Variants in L1TD1 observed in about 807,000 individuals in gnomAD.
The protein encoded by L1TD1 is LINE1 type transposase domain containing 1.
In L1TD1, 26 loss-of-function variants were observed where a neutral mutation model predicts 25.7. That is an observed-to-expected ratio of 1.01 (90% CI 0.74 to 1.40). L1TD1 has a LOEUF of 1.40. L1TD1 is among the 40% of genes most tolerant of loss of function. The pLI is 0.00. For missense variants in L1TD1, 1,130 were observed against 975.0 expected, an observed-to-expected ratio of 1.16 and a Z score of -2.12; for synonymous variants, 421 against 335.6, an observed-to-expected ratio of 1.25 and a Z score of -2.78.
At chr1:62,202,850 A>T (rs1251027429) in intron 2 of L1TD1, among the ~76,000 whole-genome samples, 1 of 151,800 alleles carries the variant, frequency 6.6e-6, no homozygotes, top group Non-Finnish European at 1.5e-5. Context: ...CGCCCAGCTA[A>T]ATCTGTATTT....
Position 62,211,400 on chromosome 1 carries a change from C to G in L1TD1, c.*28C>G, listed in dbSNP as rs1407219766. The G allele has an allele frequency of 6.5e-7, 1 of 1,538,610 alleles. No homozygotes were observed. On this transcript the variant is annotated 3_prime_UTR_variant, in exon 4 of 4. Coordinates refer to ENST00000498273, the MANE Select transcript of L1TD1 (RefSeq NM_019079.5). ...CGCCAGGGTGACTACAAACAATATG[C>G]TTTCCTCCCCCAGCATGCATCCAAA... is the stretch of plus-strand genomic sequence containing the variant.
chr1:62,205,373 T>TTC (rs200941635), intron 2 of L1TD1, among the ~76,000 whole-genome samples: 13 of 90,206 alleles, frequency 1.4e-4, no homozygotes, highest in Admixed American at 1.2e-3. Flanking sequence ...AAAACTCTCT[T>TTC]TCTCTCTCTC....
intron 2 of L1TD1, among the ~76,000 whole-genome samples, chr1:62,205,373 TTCTCTCTCTCTCTCTTTC>T (rs1226227044): frequency 0.02 from 1,832 of 90,002 alleles, 49 homozygotes; most frequent in Middle Eastern, 0.052. Context: ...AAAACTCTCT[TTCTCTCTCTCTCTCTTTC>T]TCTCTCTCTC....
chr1:62,200,164 T>TATATAA (rs1553122105), intron 2 of L1TD1, among the ~76,000 whole-genome samples: 180 of 152,228 alleles, frequency 1.2e-3, no homozygotes, highest in African/African-American at 3.9e-3. Flanking sequence ...TATATATATA[T>TATATAA]AACAATGTAT....
In L1TD1 at chr1:62,211,263, C is replaced by T. The variant is rs1670864014; in HGVS notation, c.2489C>T (p.Ala830Val). 1.2e-6 allele frequency: 2 copies of T among 1,605,372 alleles called. No individual in the cohort carries two copies. The highest frequency in any genetic ancestry group is 2.2e-5 in the East Asian group (1 of 44,714). Reference protein sequence around the residue: ...NPRILYPAKMAFDFRGKTKVF... With the variant: ...NPRILYPAKMVFDFRGKTKVF... ...AGAATCCTATATCCAGCCAAAATGG[C>T]ATTTGATTTTAGGGGTAAAACAAAG... is the stretch of plus-strand genomic sequence containing the variant. Residue 830 changes from alanine to valine, a missense_variant, in exon 4 of 4, where the codon GCA becomes GTA. Ala to Val is a moderately conservative substitution (Grantham distance 64). Coordinates refer to ENST00000498273, the MANE Select transcript of L1TD1 (RefSeq NM_019079.5).
Position 62,211,661 on chromosome 1 carries a change from T to G in L1TD1, c.*289T>G, listed in dbSNP as rs1269068719. ...CCACCTCCCTACTGCAGTTGACTAG[T>G]CTTTTTAGAATTTATATTATCTGGC... On this transcript the variant is annotated 3_prime_UTR_variant, in exon 4 of 4. Transcript: ENST00000498273. The G allele has an allele frequency of 3.9e-6, 1 of 259,234 alleles. No individual in the cohort carries two copies. The highest frequency in any genetic ancestry group is 7.1e-6 in the Non-Finnish European group (1 of 139,906). The allele number at this position is 259,234 out of a possible 1,614,324, so 16.1% of individuals were successfully genotyped here. A position where few individuals can be genotyped will look rare whatever the true frequency, so the allele number is the denominator to read the frequency against.
chr1:62,206,369 A>ATTT (rs57739616), intron 2 of L1TD1, 150 bp from the exon 3 acceptor site: 114,271 of 203,378 alleles, frequency 0.56, 33,003 homozygotes, highest in Non-Finnish European at 0.59. Context: ...TTGAATTCTA[A>ATTT]TTTTCTAATC....
In L1TD1 at chr1:62,205,443, A is replaced by ATTTTTTTTT. The variant is rs1261055805; in HGVS notation, c.-110-1075_-110-1067dup. ...TATATATATATATATATATATATAT[A>ATTTTTTTTT]TTTTTTTTTAGACAGTCTTGCTGTG... On this transcript the variant is annotated intron_variant, in intron 2 of 3. Coordinates refer to ENST00000498273, the MANE Select transcript of L1TD1 (RefSeq NM_019079.5). Among the ~76,000 whole-genome samples the ATTTTTTTTT allele has an allele frequency of 6.4e-4, 41 of 63,656 alleles. No individual in the cohort carries two copies. The East Asian group carries it at 0.014, about 22-fold the overall frequency. The allele number at this position is 63,656 out of a possible 152,430, so 41.8% of individuals were successfully genotyped here.
intron 2 of L1TD1, among the ~76,000 whole-genome samples, chr1:62,201,303 G>T (rs150055817): frequency 6.6e-6 from 1 of 152,026 alleles, no homozygotes; most frequent in African/African-American, 2.4e-5. Context: ...GTCCTTATGT[G>T]CCTGTAGAAG....
At chr1:62,195,856 T>G (rs1220202302) in intron 1 of L1TD1, among the ~76,000 whole-genome samples, 2 of 151,586 alleles carry the variant, frequency 1.3e-5, no homozygotes, top group Non-Finnish European at 2.9e-5. Context: ...CTGGCCAACT[T>G]GGGAAACCCC....
Position 62,211,378 on chromosome 1 carries a change from C to T in L1TD1, c.*6C>T, listed in dbSNP as rs12137401. The T allele has an allele frequency of 0.22, 343,302 of 1,568,314 alleles. 40,737 individuals carry two copies. The highest frequency in any genetic ancestry group is 0.32 in the Admixed American group (16,658 of 51,838). Reference sequence around the variant, plus strand: ...TGGGGAATAATATACCTTAGCACGCCAGGGTGACTACAAACAATATGCTTT... The same window carrying T: ...TGGGGAATAATATACCTTAGCACGCTAGGGTGACTACAAACAATATGCTTT... On this transcript the variant is annotated 3_prime_UTR_variant, in exon 4 of 4. Transcript: ENST00000498273.
intron 2 of L1TD1, among the ~76,000 whole-genome samples, chr1:62,205,062 A>G (rs537750177): frequency 1.3e-5 from 2 of 152,132 alleles, no homozygotes; most frequent in African/African-American, 2.4e-5. Flanking sequence ...CTAAAAATCA[A>G]TATTCTTGGC....
intron 2 of L1TD1, among the ~76,000 whole-genome samples, chr1:62,197,368 G>A (rs1259440504): frequency 7.0e-6 from 1 of 142,318 alleles, no homozygotes; most frequent in Non-Finnish European, 1.5e-5. Flanking sequence ...GCCTGGGCAA[G>A]AGTGAGACGC....
rs1427561328 is a variant in L1TD1 at position 62,211,118 on chromosome 1, G to T, written c.2344G>T (p.Glu782Ter). 1.3e-6 allele frequency: 2 copies of T among 1,548,826 alleles called. No homozygotes were observed. Among genetic ancestry groups the T allele is most frequent in the Non-Finnish European group, 1.7e-6 (2 of 1,146,402 alleles). ...KIIRASRERR[E>*]ITYQGTRIRL... ...AATAAGGGCTTCTAGAGAGAGAAGA[G>T]AAATTACCTACCAAGGAACAAGAAT... The change falls in exon 4 of 4, where the codon GAA (glutamate) becomes TAA (stop). Residue 782 changes from glutamate (E) to a stop codon, truncating the protein, a stop_gained. Transcript: ENST00000498273. LOFTEE classifies it low-confidence loss of function (END_TRUNC).
intron 2 of L1TD1, among the ~76,000 whole-genome samples, chr1:62,201,489 T>G (rs12749332): frequency 0.32 from 31,821 of 100,270 alleles, 4,008 homozygotes; most frequent in Non-Finnish European, 0.35. Context: ...GAGACCCTGC[T>G]TAAAAAAAAA....
intron 2 of L1TD1, among the ~76,000 whole-genome samples, chr1:62,205,862 G>A (rs1488808593): frequency 6.6e-6 from 1 of 152,032 alleles, no homozygotes; most frequent in South Asian, 2.1e-4. Flanking sequence ...CTCCCAAGTA[G>A]CTGGGACCAC....
At position 62,207,335 on chromosome 1, in the gene L1TD1, TGATG is replaced by T; in HGVS notation, c.712_715del (p.Asp238LysfsTer8). On this transcript the variant is annotated frameshift_variant, in exon 3 of 4. Coordinates refer to ENST00000498273, the MANE Select transcript of L1TD1 (RefSeq NM_019079.5). LOFTEE classifies it high-confidence loss of function. ...AAAGCCTCCAGAGAAGAAAAAGTGT[TGATG>T]GATGAAGGAGCAGTACTTACCCTGG... is the stretch of plus-strand genomic sequence containing the variant. 6.4e-7 allele frequency: 1 copy of T among 1,551,320 alleles called. No homozygotes were observed. Among genetic ancestry groups the T allele is most frequent in the South Asian group, 1.2e-5 (1 of 84,020 alleles).
At chr1:62,205,386 TCTTTCTC>T (rs1670718373) in intron 2 of L1TD1, among the ~76,000 whole-genome samples, 16 of 52,680 alleles carry the variant, frequency 3.0e-4, no homozygotes, top group Admixed American at 2.3e-3. Context: ...TCTCTCTCTC[TCTTTCTC>T]TCTCTCTCTC....
intron 1 of L1TD1, among the ~76,000 whole-genome samples, chr1:62,195,616 G>A (rs1276184747): frequency 6.6e-6 from 1 of 152,094 alleles, no homozygotes; most frequent in East Asian, 1.9e-4. Context: ...GCCAGGCGTG[G>A]TGGCGCATGC....
Sources: allele counts gnomAD v4.1 joint callset (sites outside exome capture counted in the v4.1 genomes callset), GRCh38; gene constraint gnomAD v4.1.1; transcripts MANE v1.5; gene names NCBI Gene and HGNC (gene_info 2026-07-23, HGNC 2026-07-21).